Variants in CDC73 observed in about 807,000 individuals in gnomAD.
CDC73 encodes cell division cycle 73, also known as parafibromin.
A neutral mutation model predicts 83.7 loss-of-function variants in CDC73; 21 were observed. That is an observed-to-expected ratio of 0.25 (90% confidence interval 0.18 to 0.36). The LOEUF (loss-of-function observed/expected upper bound fraction) is 0.36, where lower values mean the gene tolerates loss of function less well. CDC73 is among the 10% of genes least tolerant of loss of function. The probability of loss-of-function intolerance (pLI) is 1.00; values close to 1 mark genes in which losing one functional copy is unlikely to be tolerated. For synonymous variants in CDC73, 224 were observed against 212.9 expected, an observed-to-expected ratio of 1.05 and a Z score of -0.45; for missense variants, 342 against 653.3, an observed-to-expected ratio of 0.52 and a Z score of 5.19.
chr1:193,221,855 C>G (rs1159713803), intron 13 of CDC73, among the ~76,000 whole-genome samples: 3 of 152,282 alleles, frequency 2.0e-5, no homozygotes, highest in Admixed American at 2.0e-4. Context: ...TTTGAGTCAG[C>G]TGGAGGCTTT....
intron 10 of CDC73, among the ~76,000 whole-genome samples, chr1:193,158,955 C>T (rs201038347): frequency 4.5e-5 from 1 of 22,302 alleles, no homozygotes; most frequent in Non-Finnish European, 1.4e-4. Flanking sequence ...CTGTTGTATA[C>T]AGTTTTTTGT....
Position 193,203,832 on chromosome 1 carries a change from C to T in CDC73, c.1010C>T (p.Ala337Val), listed in dbSNP as rs2103178090. The T allele has an allele frequency of 6.2e-7, 1 of 1,613,684 alleles. No homozygotes were observed. The highest frequency in any genetic ancestry group is 8.5e-7 in the Non-Finnish European group (1 of 1,179,652). Reference sequence around the variant, plus strand: ...GCCCGGAAGACTCAGACTCCTGCAGCCCAGCCAGTACCAAGACCAGGTAGA... The same window carrying T: ...GCCCGGAAGACTCAGACTCCTGCAGTCCAGCCAGTACCAAGACCAGGTAGA... Reference protein sequence around the residue: ...ASARKTQTPAAQPVPRPVSQA... With the variant: ...ASARKTQTPAVQPVPRPVSQA... Residue 337 changes from alanine (A) to valine (V), a missense_variant, in exon 11 of 17, where the codon GCC becomes GTC. Transcript: ENST00000367435.
At chr1:193,244,580 C>G (rs1449909029) in intron 15 of CDC73, among the ~76,000 whole-genome samples, 1 of 152,154 alleles carries the variant, frequency 6.6e-6, no homozygotes, top group East Asian at 1.9e-4. Flanking sequence ...AACAAAGTAG[C>G]AAGTGTAACG....
At chr1:193,133,696 G>A (rs1278560945) in intron 3 of CDC73, among the ~76,000 whole-genome samples, 1 of 152,058 alleles carries the variant, frequency 6.6e-6, no homozygotes, top group African/African-American at 2.4e-5. Flanking sequence ...CAAAAGACAT[G>A]ACAAACTGGG....
intron 10 of CDC73, among the ~76,000 whole-genome samples, chr1:193,173,592 C>G (rs2103151690): frequency 6.6e-6 from 1 of 152,042 alleles, no homozygotes; most frequent in East Asian, 1.9e-4. Flanking sequence ...GAAATAAGAC[C>G]CAAACAAGCA....
At chr1:193,230,184 T>C (rs900544600) in intron 13 of CDC73, among the ~76,000 whole-genome samples, 2 of 149,984 alleles carry the variant, frequency 1.3e-5, no homozygotes, top group African/African-American at 4.9e-5. Flanking sequence ...AGTCTCACTC[T>C]GTCCCCCAGG....
chr1:193,227,262 G>T (rs924931638), intron 13 of CDC73, among the ~76,000 whole-genome samples: 9 of 151,670 alleles, frequency 5.9e-5, no homozygotes, highest in Non-Finnish European at 8.8e-5. Flanking sequence ...GTTCTGCTCT[G>T]ATGAGAATGC....
Position 193,146,301 on chromosome 1 carries a change from A to G in CDC73, c.730-1566A>G, listed in dbSNP as rs181660573. ...CTGTCAGACATTAGGGGTAAAACCA[A>G]GAGAGAGTAGCATCTCAGAGGCCAA... On this transcript the variant is annotated intron_variant, in intron 7 of 16. Transcript: ENST00000367435. 2.6e-4 allele frequency among the ~76,000 whole-genome samples: 40 copies of G among 152,284 alleles called. No homozygotes were observed. The East Asian group carries it at 6.2e-3, about 23-fold the overall frequency.
intron 7 of CDC73, among the ~76,000 whole-genome samples, chr1:193,145,969 A>G (rs1424391405): frequency 2.0e-5 from 3 of 152,212 alleles, no homozygotes; most frequent in African/African-American, 7.2e-5. Context: ...ATTATAGGGC[A>G]GACACCCAGC....
intron 5 of CDC73, among the ~76,000 whole-genome samples, chr1:193,137,063 G>A (rs1032214287): frequency 6.6e-6 from 1 of 152,184 alleles, no homozygotes; most frequent in South Asian, 2.1e-4. Context: ...TCAGTTCAGT[G>A]TATGTCTTTT....
chr1:193,130,153 C>G (rs1279938905), intron 2 of CDC73, 21 bp from the exon 3 acceptor site: 1 of 1,148,768 alleles, frequency 8.7e-7, no homozygotes, highest in Non-Finnish European at 1.3e-6. Flanking sequence ...TTTCATATCT[C>G]ATTTAAAATT....
chr1:193,122,067 T>C lies in CDC73; in HGVS notation c.-134T>C, dbSNP rs893136290. ...TGCTGCTGTCGTAGGCGAGGACGGC[T>C]GTTAGTGCTGCTGCTGTTGGTTCGT... is the stretch of plus-strand genomic sequence containing the variant. On this transcript the variant is annotated 5_prime_UTR_variant, in exon 1 of 17. Transcript: ENST00000367435. 36 of 794,932 alleles carry C rather than the reference T, an allele frequency of 4.5e-5. No individual in the cohort carries two copies. Among genetic ancestry groups the C allele is most frequent in the Non-Finnish European group, 7.4e-5 (35 of 473,082 alleles). 49.2% of individuals were successfully genotyped at this position (794,932 alleles called of 1,614,324 possible).
chr1:193,150,181 G>A, intron 8 of CDC73, 123 bp from the exon 9 acceptor site: 1 of 705,014 alleles, frequency 1.4e-6, no homozygotes, highest in Admixed American at 2.0e-5. Context: ...TGAGGTGGGA[G>A]GATCACTTGG....
intron 9 of CDC73, among the ~76,000 whole-genome samples, chr1:193,150,994 G>C (rs1488785947): frequency 2.0e-5 from 3 of 152,168 alleles, no homozygotes; most frequent in African/African-American, 7.2e-5. Context: ...TTATAAATGT[G>C]TATGTACATT....
chr1:193,239,137 G>A (rs1177458484), intron 15 of CDC73, among the ~76,000 whole-genome samples: 1 of 152,064 alleles, frequency 6.6e-6, no homozygotes, highest in Non-Finnish European at 1.5e-5. Flanking sequence ...TAACTTCTCT[G>A]TGATATCTCA....
chr1:193,188,955 GTTT>G (rs552692219), intron 10 of CDC73, among the ~76,000 whole-genome samples: 1 of 137,518 alleles, frequency 7.3e-6, no homozygotes, highest in Admixed American at 7.3e-5. Context: ...CTGTCTGTCT[GTTT>G]TTTTTTTTTT....
intron 11 of CDC73, among the ~76,000 whole-genome samples, chr1:193,210,685 T>C (rs1558312293): frequency 6.6e-6 from 1 of 151,948 alleles, no homozygotes. Flanking sequence ...GCTCAGGAGT[T>C]CGAGATCAAC....
In CDC73 at chr1:193,243,237, G is replaced by T. The variant is rs185993196; in HGVS notation, c.1418-6493G>T. Among the ~76,000 whole-genome samples, 688 of 151,882 alleles carry T rather than the reference G, an allele frequency of 4.5e-3. 3 individuals carry two copies. The highest frequency in any genetic ancestry group is 7.0e-3 in the Non-Finnish European group (478 of 67,998). On this transcript the variant is annotated intron_variant, in intron 15 of 16. Transcript: ENST00000367435. The stretch of plus-strand genomic sequence containing the variant: ...TTACAGGCGTGAGCCACCGTGCCCA[G>T]CTTACTTCTTGTTTTTAACTTCCAG...
chr1:193,234,268 TATA>T (rs1311020306), intron 14 of CDC73, among the ~76,000 whole-genome samples: 4 of 18,700 alleles, frequency 2.1e-4, no homozygotes, highest in East Asian at 5.5e-4. Context: ...ATAATTTAAT[TATA>T]ATATATATAA....
Sources: gnomAD v4.1 joint callset for allele counts (sites outside exome capture counted in the v4.1 genomes callset) on GRCh38, gnomAD v4.1.1 for gene constraint, MANE v1.5 for transcripts, NCBI Gene and HGNC (gene_info 2026-07-23, HGNC 2026-07-21) for gene names.